Variants in CNOT10 observed in about 807,000 individuals in gnomAD.
CNOT10 encodes the protein CCR4-NOT transcription complex, subunit 10.
CNOT10 carries 30 observed loss-of-function variants against 94.6 expected under a neutral mutation model. The ratio of observed to expected loss-of-function variants is 0.32; its 90% CI spans 0.24 to 0.43. The LOEUF is 0.43. Ranked by LOEUF, CNOT10 falls within the 20% of genes least tolerant of loss-of-function variation. CNOT10 has a pLI of 1.00. For missense variants in CNOT10, 759 were observed against 877.2 expected (o/e 0.87, Z 1.70); for synonymous variants, 289 against 301.6 (o/e 0.96, Z 0.43).
At chr3:32,714,083 A>G (rs73059823) in intron 5 of CNOT10, among the ~76,000 whole-genome samples, 21,279 of 152,166 alleles carry the variant, frequency 0.14, 1,594 homozygotes, top group South Asian at 0.19. Context: ...ATTTAACCCT[A>G]TACAAGACTG....
chr3:32,725,501 C>G lies in CNOT10; in HGVS notation c.914C>G (p.Ala305Gly), dbSNP rs1046082404. Residue 305 changes from alanine (A) to glycine (G), a missense_variant, in exon 9 of 19, where the codon GCC becomes GGC. Ala to Gly is a moderately conservative substitution (Grantham distance 60). Transcript: ENST00000328834. Reference protein sequence around the residue: ...FWNNLGCIHFAMSKHNLGIFY... With the variant: ...FWNNLGCIHFGMSKHNLGIFY... ...AATAACCTTGGTTGCATCCATTTTG[C>G]CATGAGCAAGCACAATTTGGGAATA... The G allele has an allele frequency of 6.2e-7, 1 of 1,613,634 alleles. No individual in the cohort carries two copies. The highest frequency in any genetic ancestry group is 8.5e-7 in the Non-Finnish European group (1 of 1,179,630).
intron 13 of CNOT10, among the ~76,000 whole-genome samples, chr3:32,743,494 C>T (rs1575276454): frequency 6.6e-6 from 1 of 152,052 alleles, no homozygotes; most frequent in East Asian, 2.0e-4. Context: ...ATTAGCTGGG[C>T]ATGGTGGCAC....
chr3:32,685,589 A>T, intron 1 of CNOT10, 107 bp downstream of exon 1: 1 of 1,256,780 alleles, frequency 8.0e-7, no homozygotes, highest in Non-Finnish European at 1.1e-6. Flanking sequence ...GGGCGACTTG[A>T]ATTTGGGCGT....
chr3:32,710,385 G>A (rs1697830705), intron 4 of CNOT10, among the ~76,000 whole-genome samples: 1 of 151,004 alleles, frequency 6.6e-6, no homozygotes, highest in South Asian at 2.1e-4. Flanking sequence ...GAGATTTCCT[G>A]TGTGTCCTCT....
At chr3:32,695,642 T>C in intron 1 of CNOT10, 1 of 1,535,908 alleles carries the variant, frequency 6.5e-7, no homozygotes, top group Non-Finnish European at 8.7e-7. Context: ...TCTATTGGTG[T>C]AAAGACTGTC....
chr3:32,728,528 G>A (rs1321499411), intron 10 of CNOT10, among the ~76,000 whole-genome samples: 3 of 151,904 alleles, frequency 2.0e-5, no homozygotes, highest in Admixed American at 6.6e-5. Flanking sequence ...CGGGAAGATC[G>A]TTTGAGCCTG....
At chr3:32,728,061 A>G (rs1698764405) in intron 10 of CNOT10, among the ~76,000 whole-genome samples, 191 bp downstream of exon 10, 1 of 151,252 alleles carries the variant, frequency 6.6e-6, no homozygotes, top group Non-Finnish European at 1.5e-5. Context: ...CAATGTTACG[A>G]TCTCGGCTCA....
intron 10 of CNOT10, among the ~76,000 whole-genome samples, chr3:32,729,832 G>A (rs1173310422): frequency 7.4e-6 from 1 of 134,386 alleles, no homozygotes; most frequent in Non-Finnish European, 1.5e-5. Flanking sequence ...GCAGTGGCGG[G>A]ATCTCGGCTC....
intron 4 of CNOT10, among the ~76,000 whole-genome samples, chr3:32,712,485 A>G (rs183956287): frequency 1.3e-5 from 2 of 152,146 alleles, no homozygotes; most frequent in African/African-American, 4.8e-5. Context: ...CTGGTTCAGT[A>G]TTCCTACCCT....
chr3:32,709,777 A>G (rs531516629), intron 4 of CNOT10, among the ~76,000 whole-genome samples: 8 of 152,262 alleles, frequency 5.3e-5, no homozygotes, highest in Non-Finnish European at 4.4e-5. Context: ...GACTGTACAC[A>G]TTTTTCTGTA....
intron 14 of CNOT10, among the ~76,000 whole-genome samples, chr3:32,760,476 A>T (rs1387803648): frequency 1.3e-5 from 2 of 152,036 alleles, no homozygotes; most frequent in East Asian, 3.9e-4. Context: ...TACTAAAAAT[A>T]CAAAAATTAG....
At chr3:32,727,979 T>TATTTATTTATTTA (rs1698758599) in intron 10 of CNOT10, 109 bp downstream of exon 10, 1 of 570,076 alleles carries the variant, frequency 1.8e-6, no homozygotes, top group Non-Finnish European at 2.8e-6. Flanking sequence ...ACATTTCTCT[T>TATTTATTTATTTA]TTTATTTATT....
chr3:32,716,321 A>G lies in CNOT10; in HGVS notation c.660+10A>G, dbSNP rs1468377163. The G allele has an allele frequency of 7.1e-7, 1 of 1,409,582 alleles. No individual in the cohort carries two copies. Among genetic ancestry groups the G allele is most frequent in the Non-Finnish European group, 9.9e-7 (1 of 1,005,412 alleles). 87.3% of individuals were successfully genotyped at this position (1,409,582 alleles called of 1,614,324 possible). ...ATCAAAGATACATCAGGTAGTATAAATTTTAAAGGGGGGCAATACATCACA... is the reference window on the plus strand; with the variant it reads ...ATCAAAGATACATCAGGTAGTATAAGTTTTAAAGGGGGGCAATACATCACA... On this transcript the variant is annotated intron_variant, in intron 6 of 18. Coordinates refer to ENST00000328834, the MANE Select transcript of CNOT10 (RefSeq NM_015442.3).
chr3:32,726,606 T>G (rs1698676563), intron 9 of CNOT10, among the ~76,000 whole-genome samples: 1 of 151,172 alleles, frequency 6.6e-6, no homozygotes, highest in African/African-American at 2.4e-5. Flanking sequence ...AGAAGCAGGA[T>G]AATGGCGTGT....
intron 12 of CNOT10, among the ~76,000 whole-genome samples, chr3:32,737,083 G>T (rs1699221320): frequency 6.6e-6 from 1 of 152,186 alleles, no homozygotes; most frequent in South Asian, 2.1e-4. Flanking sequence ...GGAGGCCAAG[G>T]CAGGTGGATC....
chr3:32,699,816 C>T (rs1363121524), intron 1 of CNOT10, among the ~76,000 whole-genome samples: 2 of 152,050 alleles, frequency 1.3e-5, no homozygotes, highest in African/African-American at 4.8e-5. Flanking sequence ...ACCCCATAAC[C>T]AGTGTGATTC....
chr3:32,708,603 G>T, intron 3 of CNOT10, 67 bp from the exon 4 acceptor site: 1 of 1,363,018 alleles, frequency 7.3e-7, no homozygotes, highest in Non-Finnish European at 1.0e-6. Context: ...TTATTCATAT[G>T]AATTCTTTCA....
At position 32,695,570 on chromosome 3, in the gene CNOT10, C is replaced by T. The variant is rs142830858; in HGVS notation, c.23-8298C>T. 6.2e-5 allele frequency: 95 copies of T among 1,526,230 alleles called. No homozygotes were observed. In the East Asian group the frequency reaches 6.6e-4, roughly 11 times the overall value. The allele number at this position is 1,526,230 out of a possible 1,614,324, so 94.5% of individuals were successfully genotyped here. A position where few individuals can be genotyped will look rare whatever the true frequency, so the allele number is the denominator to read the frequency against. The stretch of plus-strand genomic sequence containing the variant: ...AACTGATGATTTTCAGTTTTGAAAA[C>T]GTGGTGCATTTCTTTTCTGCTTAGT... On this transcript the variant is annotated intron_variant, in intron 1 of 18. Coordinates refer to ENST00000328834, the MANE Select transcript of CNOT10 (RefSeq NM_015442.3).
Position 32,733,552 on chromosome 3 carries a change from T to G in CNOT10, c.1337+8T>G. 6.6e-7 allele frequency: 1 copy of G among 1,516,348 alleles called. No individual in the cohort carries two copies. The highest frequency in any genetic ancestry group is 8.9e-7 in the Non-Finnish European group (1 of 1,119,542). The allele number at this position is 1,516,348 out of a possible 1,614,324, so 93.9% of individuals were successfully genotyped here. A position where few individuals can be genotyped will look rare whatever the true frequency, so the allele number is the denominator to read the frequency against. ...ACAGAATACTGTTTATAAGTAAGTA[T>G]TTTGCAAAGAAAAAGTGTATATATA... On this transcript the variant is annotated splice_region_variant and intron_variant, in intron 11 of 18. Transcript: ENST00000328834.
Sources: gnomAD v4.1 joint callset for allele counts (sites outside exome capture counted in the v4.1 genomes callset) on GRCh38, gnomAD v4.1.1 for gene constraint, MANE v1.5 for transcripts, NCBI Gene and HGNC (gene_info 2026-07-23, HGNC 2026-07-21) for gene names.